Variants in LPAR1 observed in about 807,000 individuals in gnomAD.
LPAR1 encodes the protein lysophosphatidic acid receptor 1, also known as LPA receptor 1.
LPAR1 carries 5 observed loss-of-function variants against 23.8 expected under a neutral mutation model. The ratio of observed to expected loss-of-function variants is 0.21; its 90% CI spans 0.11 to 0.44. LPAR1 has a LOEUF of 0.44. Ranked by LOEUF, LPAR1 falls within the 20% of genes least tolerant of loss-of-function variation. The pLI is 0.99. For synonymous variants in LPAR1, 160 were observed against 164.7 expected (o/e 0.97, Z 0.22); for missense variants, 311 against 482.8 (o/e 0.64, Z 3.33).
chr9:110,995,723 G>T (rs2096986419), intron 2 of LPAR1, among the ~76,000 whole-genome samples: 1 of 152,094 alleles, frequency 6.6e-6, no homozygotes, highest in Non-Finnish European at 1.5e-5. Context: ...CATCTCAAAT[G>T]TTACCACTCT....
At chr9:110,989,105 G>A (rs778969298) in intron 2 of LPAR1, among the ~76,000 whole-genome samples, 15 of 152,174 alleles carry the variant, frequency 9.9e-5, no homozygotes, top group South Asian at 2.1e-4. Context: ...AAGTAGATTC[G>A]TGTTTTTCAG....
intron 4 of LPAR1, among the ~76,000 whole-genome samples, chr9:110,966,309 T>C (rs561152985): frequency 1.3e-5 from 2 of 151,910 alleles, no homozygotes; most frequent in South Asian, 2.1e-4. Flanking sequence ...TGAAACCCCA[T>C]CTCTACTAAA....
chr9:110,912,664 A>G (rs908661634), intron 5 of LPAR1, among the ~76,000 whole-genome samples: 1 of 152,196 alleles, frequency 6.6e-6, no homozygotes, highest in Admixed American at 6.5e-5. Context: ...AAATTTGAAC[A>G]AACTATTGAA....
At chr9:110,896,247 C>T (rs998537646) in intron 5 of LPAR1, among the ~76,000 whole-genome samples, 4 of 152,180 alleles carry the variant, frequency 2.6e-5, no homozygotes, top group African/African-American at 4.8e-5. Flanking sequence ...TTTTCAAAAA[C>T]ATTGCTGACA....
chr9:110,889,768 A>T (rs1447732858), intron 5 of LPAR1, among the ~76,000 whole-genome samples: 1 of 152,244 alleles, frequency 6.6e-6, no homozygotes, highest in African/African-American at 2.4e-5. Context: ...TGGTTCTAGT[A>T]ATACAAATCA....
chr9:110,883,813 GACTT>G (rs2081545383), intron 5 of LPAR1, among the ~76,000 whole-genome samples: 2 of 152,250 alleles, frequency 1.3e-5, no homozygotes, highest in Admixed American at 1.3e-4. Context: ...GCAGCCCGCT[GACTT>G]ACTAACCCAA....
At chr9:110,880,908 T>C (rs1023601836) in intron 5 of LPAR1, among the ~76,000 whole-genome samples, 2 of 152,200 alleles carry the variant, frequency 1.3e-5, no homozygotes, top group African/African-American at 4.8e-5. Flanking sequence ...ACTACATAGT[T>C]AGCTAGGAAA....
At chr9:110,908,018 T>C (rs1270084118) in intron 5 of LPAR1, among the ~76,000 whole-genome samples, 1 of 151,524 alleles carries the variant, frequency 6.6e-6, no homozygotes, top group Non-Finnish European at 1.5e-5. Context: ...CTACAGAAGA[T>C]GGAGGCTAAG....
chr9:110,996,631 G>A (rs1047265584), intron 2 of LPAR1, among the ~76,000 whole-genome samples: 5 of 152,102 alleles, frequency 3.3e-5, no homozygotes, highest in African/African-American at 4.8e-5. Context: ...TTTAAGCCAA[G>A]TCATAGCGAT....
At chr9:110,897,603 C>T (rs2086885509) in intron 5 of LPAR1, among the ~76,000 whole-genome samples, 1 of 152,174 alleles carries the variant, frequency 6.6e-6, no homozygotes, top group African/African-American at 2.4e-5. Context: ...GAATGTGGAA[C>T]AGCATTTGGC....
intron 2 of LPAR1, among the ~76,000 whole-genome samples, chr9:111,024,068 C>T (rs2097627748): frequency 6.6e-6 from 1 of 152,104 alleles, no homozygotes; most frequent in African/African-American, 2.4e-5. Context: ...CCACTAACTA[C>T]ATAGTACAAA....
intron 2 of LPAR1, among the ~76,000 whole-genome samples, chr9:111,023,221 C>G (rs2097599329): frequency 6.6e-6 from 1 of 152,180 alleles, no homozygotes; most frequent in Admixed American, 6.5e-5. Context: ...GGAAGGCCTA[C>G]TAAGTATCAC....
At chr9:110,956,195 C>T (rs975872195) in intron 4 of LPAR1, among the ~76,000 whole-genome samples, 5 of 134,496 alleles carry the variant, frequency 3.7e-5, no homozygotes, top group African/African-American at 1.4e-4. Flanking sequence ...AAGGCGAACA[C>T]ATGGACACCG....
intron 5 of LPAR1, among the ~76,000 whole-genome samples, chr9:110,925,969 G>A (rs376462066): frequency 3.5e-4 from 54 of 152,246 alleles, no homozygotes; most frequent in African/African-American, 1.3e-3. Flanking sequence ...CACCCAGGCT[G>A]GAGTGCAGTG....
chr9:110,919,932 C>T (rs2093500187), intron 5 of LPAR1, among the ~76,000 whole-genome samples: 1 of 152,212 alleles, frequency 6.6e-6, no homozygotes, highest in African/African-American at 2.4e-5. Context: ...AGCTGCACAT[C>T]TATGTACGTA....
Position 110,955,717 on chromosome 9 carries a change from GAAA to G in LPAR1, c.46-13552_46-13550del, listed in dbSNP as rs368923001. ...CCAATTATCTCCTCAGACCACAATAGAAAAAAAAAAACACAAATCAATTACAAG... is the reference window on the plus strand; with the variant it reads ...CCAATTATCTCCTCAGACCACAATAGAAAAAAAACACAAATCAATTACAAG... On this transcript the variant is annotated intron_variant, in intron 4 of 5. Coordinates refer to ENST00000683809, the MANE Select transcript of LPAR1 (RefSeq NM_001351411.2). Among the ~76,000 whole-genome samples, 6 of 138,748 alleles carry G rather than the reference GAAA, an allele frequency of 4.3e-5. No homozygotes were observed. In the South Asian group the frequency reaches 6.6e-4, roughly 15 times the overall value. 91.0% of individuals were successfully genotyped at this position (138,748 alleles called of 152,430 possible).
chr9:110,920,803 T>C (rs2093573232), intron 5 of LPAR1, among the ~76,000 whole-genome samples: 2 of 152,168 alleles, frequency 1.3e-5, no homozygotes, highest in African/African-American at 4.8e-5. Context: ...ACAGATAATA[T>C]GTCTACAAAG....
At chr9:111,037,377 G>A (rs943613915) in intron 1 of LPAR1, among the ~76,000 whole-genome samples, 1 of 152,168 alleles carries the variant, frequency 6.6e-6, no homozygotes, top group African/African-American at 2.4e-5. Context: ...ACAACCTCAG[G>A]CCCCAGACAG....
At chr9:111,030,414 C>T (rs2097775251) in intron 2 of LPAR1, among the ~76,000 whole-genome samples, 2 of 152,254 alleles carry the variant, frequency 1.3e-5, no homozygotes, top group South Asian at 4.2e-4. Context: ...AAGAACACAC[C>T]ATCCTTATCA....
Sources: gnomAD v4.1 joint callset for allele counts (sites outside exome capture counted in the v4.1 genomes callset) on GRCh38, gnomAD v4.1.1 for gene constraint, MANE v1.5 for transcripts, NCBI Gene and HGNC (gene_info 2026-07-23, HGNC 2026-07-21) for gene names.